The following TTC34 variants were observed in gnomAD, a reference collection of about 807,000 sequenced individuals.
TTC34 encodes tetratricopeptide repeat domain 34.
Under a neutral mutation model 40.7 loss-of-function variants are expected in TTC34, and 44 were observed. That is an observed-to-expected ratio of 1.08 (90% CI 0.85 to 1.39). TTC34 has a LOEUF of 1.39. Among genes scored for constraint, TTC34 ranks in the 40% most tolerant of loss-of-function variants. The pLI is 0.00. For missense variants in TTC34, 884 were observed against 838.0 expected, an observed-to-expected ratio of 1.05 and a Z score of -0.68; for synonymous variants, 422 against 398.6, an observed-to-expected ratio of 1.06 and a Z score of -0.70.
chr1:2,647,699 T>C, intron 6 of TTC34, among the ~76,000 whole-genome samples: 1 of 152,192 alleles, frequency 6.6e-6, no homozygotes. Context: ...CCCAGGCTGG[T>C]CTCAAACTCC....
At chr1:2,789,359 C>T (rs1478958694) in intron 3 of TTC34, 144 bp downstream of exon 3, 9 of 754,920 alleles carry the variant, frequency 1.2e-5, no homozygotes, top group Non-Finnish European at 1.6e-5. Flanking sequence ...AGCAGCGGAG[C>T]TAGACCTGCC....
At chr1:2,644,165 A>C (rs1457145069) in intron 8 of TTC34, 99 bp downstream of exon 8, 20 of 1,241,474 alleles carry the variant, frequency 1.6e-5, no homozygotes, top group Non-Finnish European at 2.1e-5. Context: ...ACCCAACCGC[A>C]GAGAGTGAAG....
At chr1:2,692,470 G>GCT (rs1640666620) in intron 6 of TTC34, among the ~76,000 whole-genome samples, 1 of 142,186 alleles carries the variant, frequency 7.0e-6, no homozygotes, top group Non-Finnish European at 1.5e-5. Flanking sequence ...ACACCCCCAG[G>GCT]TGAGCATCTG....
chr1:2,686,519 C>T (rs368086914), intron 6 of TTC34, among the ~76,000 whole-genome samples: 1 of 128,604 alleles, frequency 7.8e-6, no homozygotes, highest in African/African-American at 3.5e-5. Flanking sequence ...CAGCACCCTG[C>T]ACCCCCAGGG....
chr1:2,750,480 C>G (rs1381167586), intron 6 of TTC34, among the ~76,000 whole-genome samples: 131 of 4,278 alleles, frequency 0.031, 2 homozygotes, highest in East Asian at 0.16. Flanking sequence ...GAACAGCACC[C>G]ACACCCCCAG....
intron 6 of TTC34, among the ~76,000 whole-genome samples, chr1:2,759,944 C>G (rs1641639979): frequency 7.4e-5 from 11 of 148,188 alleles, no homozygotes; most frequent in Admixed American, 1.3e-4. Flanking sequence ...ATCTGACAGC[C>G]TGGAAAGGCA....
At chr1:2,753,441 GA>G (rs1641394277) in intron 6 of TTC34, among the ~76,000 whole-genome samples, 1 of 123,818 alleles carries the variant, frequency 8.1e-6, no homozygotes, top group African/African-American at 3.6e-5. Flanking sequence ...TGACAGCCTG[GA>G]ACAGCAGCCT....
chr1:2,795,744 C>T (rs1643705630), intron 2 of TTC34, among the ~76,000 whole-genome samples: 6 of 152,200 alleles, frequency 3.9e-5, no homozygotes, highest in Admixed American at 3.9e-4. Flanking sequence ...CATCCCAGTC[C>T]TTTGGTAAGA....
intron 6 of TTC34, among the ~76,000 whole-genome samples, chr1:2,646,329 C>A (rs1004091911): frequency 2.6e-5 from 4 of 152,148 alleles, no homozygotes; most frequent in Non-Finnish European, 4.4e-5. Context: ...TTTGTGTTAT[C>A]GTTGTCCTAC....
intron 6 of TTC34, among the ~76,000 whole-genome samples, chr1:2,777,844 G>A (rs149793869): frequency 0.014 from 2,098 of 152,336 alleles, 24 homozygotes; most frequent in Admixed American, 0.024. Context: ...CCTGGACACA[G>A]CGGGAGGAGG....
At chr1:2,643,157 T>C (rs1638946359) in intron 8 of TTC34, among the ~76,000 whole-genome samples, 1 of 152,072 alleles carries the variant, frequency 6.6e-6, no homozygotes, top group African/African-American at 2.4e-5. Context: ...GGGCGCTCAA[T>C]CCGACCCCAG....
intron 6 of TTC34, among the ~76,000 whole-genome samples, chr1:2,651,795 C>T (rs553204603): frequency 6.6e-6 from 1 of 151,714 alleles, no homozygotes. Context: ...GCCGGAAAAA[C>T]ACCCTCCACC....
In TTC34 at chr1:2,645,940, T is replaced by A. The variant is rs889081059; in HGVS notation, c.2227-377A>T. Among the ~76,000 whole-genome samples, 2 of 152,094 alleles carry A rather than the reference T, an allele frequency of 1.3e-5. No individual in the cohort carries two copies. Among genetic ancestry groups the A allele is most frequent in the Non-Finnish European group, 2.9e-5 (2 of 68,010 alleles). Reference sequence around the variant, plus strand: ...AGCTGGCTCCCTCCACGCCTGTCCCTCCCCACAGGGGCATCTGTCACCTCA... The same window carrying A: ...AGCTGGCTCCCTCCACGCCTGTCCCACCCCACAGGGGCATCTGTCACCTCA... On this transcript the variant is annotated intron_variant, in intron 6 of 8. Transcript: ENST00000401095. The surrounding 1 kb of genome is among the most constrained non-coding windows in gnomAD (Gnocchi z 4.7).
chr1:2,682,088 C>G (rs1640106504), intron 6 of TTC34, among the ~76,000 whole-genome samples: 1 of 139,450 alleles, frequency 7.2e-6, no homozygotes, highest in East Asian at 2.0e-4. Flanking sequence ...CATCTGACAG[C>G]CTGGAGCAGC....
At chr1:2,800,370 T>G (rs1287908070) in exon 2 of TTC34, 2 of 398,376 alleles carry the variant, frequency 5.0e-6, no homozygotes, top group African/African-American at 2.1e-5. Flanking sequence ...ATCCGCTGCC[T>G]GCACCCCGGA....
rs1643761018 is a variant in TTC34 at position 2,800,579 on chromosome 1, G to C, written c.249C>G (p.Val83=). ...CAGAGGCCAGCGACCCTGTCAGGGA[G>C]ACCACTGCCATGCCGTCCCAGTGGA... Residue 83 remains valine, a synonymous_variant, in exon 2 of 9, where the codon GTC becomes GTG. Coordinates refer to ENST00000401095, the Ensembl canonical transcript of TTC34. 1.3e-5 allele frequency: 5 copies of C among 398,328 alleles called. No homozygotes were observed. In the East Asian group the frequency reaches 1.8e-4, roughly 14 times the overall value. 24.7% of individuals were successfully genotyped at this position (398,328 alleles called of 1,614,324 possible).
rs1287172120 is a variant in TTC34 at position 2,675,080 on chromosome 1, C to A, written c.2227-29517G>T. On this transcript the variant is annotated intron_variant, in intron 6 of 8. Transcript: ENST00000401095. ...CGGAGAGTCAGGAGCAGTGCCCACA[C>A]ACCCAGGCGAGCATCTGACAGCCTG... is the stretch of plus-strand genomic sequence containing the variant. Among the ~76,000 whole-genome samples, 51 of 100,380 alleles carry A rather than the reference C, an allele frequency of 5.1e-4. 1 individual carries two copies. Among genetic ancestry groups the A allele is most frequent in the African/African-American group, 1.5e-3 (46 of 29,838 alleles). 65.9% of individuals were successfully genotyped at this position (100,380 alleles called of 152,430 possible).
At chr1:2,773,164 A>G (rs1489873086) in intron 6 of TTC34, among the ~76,000 whole-genome samples, 2 of 124,906 alleles carry the variant, frequency 1.6e-5, no homozygotes, top group Admixed American at 8.1e-5. Context: ...GACAGCCTGG[A>G]GCAGCGCCCA....
chr1:2,787,736 C>T (rs1031311144), intron 3 of TTC34, 30 bp from the exon 4 acceptor site: 1 of 1,480,670 alleles, frequency 6.8e-7, no homozygotes, highest in Non-Finnish European at 9.1e-7. Flanking sequence ...GGGGGGCATG[C>T]CCCTTTTGAC....
Sources: gnomAD v4.1 joint callset for allele counts (sites outside exome capture counted in the v4.1 genomes callset) on GRCh38, gnomAD v4.1.1 for gene constraint, Gnocchi (gnomAD v3.1) non-coding constraint, MANE v1.5 for transcripts, NCBI Gene and HGNC (gene_info 2026-07-23, HGNC 2026-07-21) for gene names.